Variants in DIPK1A observed in about 807,000 individuals in gnomAD.
DIPK1A encodes the protein divergent protein kinase domain 1A, also known as family with sequence similarity 69 member A.
A neutral mutation model predicts 40.8 loss-of-function variants in DIPK1A; 27 were observed. The ratio of observed to expected loss-of-function variants is 0.66; its 90% CI spans 0.49 to 0.91. The LOEUF is 0.91. DIPK1A is among the 40% of genes least tolerant of loss of function. DIPK1A has a pLI of 0.00. For missense variants in DIPK1A, 412 were observed against 505.7 expected (o/e 0.81, Z 1.78); for synonymous variants, 166 against 171.3 (o/e 0.97, Z 0.24).
chr1:92,846,871 A>ACACG (rs1391671477), intron 4 of DIPK1A, among the ~76,000 whole-genome samples: 1 of 16,738 alleles, frequency 6.0e-5, no homozygotes, highest in African/African-American at 3.5e-4. Flanking sequence ...GTGTATATAT[A>ACACG]TATATATATA....
chr1:92,835,660 CAAAA>C (rs11417383), intron 4 of DIPK1A, among the ~76,000 whole-genome samples: 1 of 123,394 alleles, frequency 8.1e-6, no homozygotes, highest in Non-Finnish European at 1.6e-5. Context: ...AACTGTGTCT[CAAAA>C]AAAAAAAAAA....
At chr1:92,841,508 G>A (rs1381470578), downstream of DIPK1A, among the ~76,000 whole-genome samples, 1 of 152,140 alleles carries the variant, frequency 6.6e-6, no homozygotes, top group Non-Finnish European at 1.5e-5. Context: ...CAAATACCTA[G>A]AAGTGGTATT....
chr1:92,886,451 GC>G (rs1648603360), intron 1 of DIPK1A, among the ~76,000 whole-genome samples: 1 of 152,020 alleles, frequency 6.6e-6, no homozygotes, highest in Non-Finnish European at 1.5e-5. Context: ...CTCCCAAAGT[GC>G]CAGGATTATA....
chr1:92,842,661 G>A lies in DIPK1A; in HGVS notation c.*722C>T. Reference sequence around the variant, plus strand: ...AAATCAGGATATGTGGATCTTGATTGGGCCTTAAGATGTCAGTTTTGAAGG... The same window carrying A: ...AAATCAGGATATGTGGATCTTGATTAGGCCTTAAGATGTCAGTTTTGAAGG... On this transcript the variant is annotated 3_prime_UTR_variant, in exon 5 of 5. Coordinates refer to ENST00000370310, the MANE Select transcript of DIPK1A (RefSeq NM_001006605.5). 1 of 985,280 alleles carries A rather than the reference G, an allele frequency of 1.0e-6. No individual in the cohort carries two copies. Among genetic ancestry groups the A allele is most frequent in the Non-Finnish European group, 1.2e-6 (1 of 829,860 alleles). 61.0% of individuals were successfully genotyped at this position (985,280 alleles called of 1,614,324 possible). A position where few individuals can be genotyped will look rare whatever the true frequency, so the allele number is the denominator to read the frequency against.
chr1:92,948,774 T>C (rs1229361393), intron 1 of DIPK1A, among the ~76,000 whole-genome samples: 1 of 144,408 alleles, frequency 6.9e-6, no homozygotes, highest in Non-Finnish European at 1.5e-5. Flanking sequence ...TATGTGTGTG[T>C]GTGTATATAT....
intron 1 of DIPK1A, among the ~76,000 whole-genome samples, chr1:92,886,575 C>T (rs1001002448): frequency 1.3e-5 from 2 of 151,916 alleles, no homozygotes; most frequent in Non-Finnish European, 2.9e-5. Flanking sequence ...TGTGCCATAA[C>T]TTATCTAACC....
chr1:92,938,900 T>A (rs1189409020), intron 1 of DIPK1A, among the ~76,000 whole-genome samples: 1 of 152,210 alleles, frequency 6.6e-6, no homozygotes, highest in East Asian at 1.9e-4. Context: ...GAATTCTTTC[T>A]ACTTTTATCA....
At chr1:92,878,741 AC>A (rs1313196981) in intron 1 of DIPK1A, among the ~76,000 whole-genome samples, 3 of 151,730 alleles carry the variant, frequency 2.0e-5, no homozygotes, top group Non-Finnish European at 4.4e-5. Context: ...AATAGCGTGA[AC>A]CCCGGGGGGC....
chr1:92,866,103 T>C (rs1478379632), intron 2 of DIPK1A, among the ~76,000 whole-genome samples: 2 of 152,072 alleles, frequency 1.3e-5, no homozygotes, highest in African/African-American at 4.8e-5. Flanking sequence ...TGGGGTTTTC[T>C]TGTTTGTTTG....
At chr1:92,838,321 A>G (rs894055440), downstream of DIPK1A, among the ~76,000 whole-genome samples, 2 of 152,202 alleles carry the variant, frequency 1.3e-5, no homozygotes, top group Non-Finnish European at 2.9e-5. Context: ...ATGTAGGTGC[A>G]TGTTAATTTT....
intron 1 of DIPK1A, among the ~76,000 whole-genome samples, chr1:92,894,201 T>C (rs949670734): frequency 6.6e-6 from 1 of 152,152 alleles, no homozygotes; most frequent in Non-Finnish European, 1.5e-5. Flanking sequence ...AGAATATACA[T>C]TCTTTTCAGC....
At chr1:92,837,427 A>G (rs369811492), downstream of DIPK1A, 60 of 1,587,280 alleles carry the variant, frequency 3.8e-5, 2 homozygotes, top group South Asian at 3.3e-4. Context: ...AAGTGAGTCT[A>G]TACTAAAATA....
intron 1 of DIPK1A, among the ~76,000 whole-genome samples, chr1:92,893,403 A>C (rs1373670121): frequency 4.0e-5 from 6 of 151,758 alleles, no homozygotes; most frequent in East Asian, 1.9e-4. Context: ...AGCCAAACTA[A>C]GCTTCATAAG....
At chr1:92,912,501 A>G (rs1649870846) in intron 1 of DIPK1A, among the ~76,000 whole-genome samples, 1 of 152,172 alleles carries the variant, frequency 6.6e-6, no homozygotes, top group Non-Finnish European at 1.5e-5. Flanking sequence ...AAATGCAGAG[A>G]ACTAAAGTGT....
intron 4 of DIPK1A, among the ~76,000 whole-genome samples, chr1:92,846,793 A>AT (rs1491478787): frequency 0.13 from 92 of 722 alleles, 3 homozygotes; most frequent in Non-Finnish European, 0.14. Flanking sequence ...CACTCCTGGC[A>AT]TATATATATA....
chr1:92,844,147 A>C lies in DIPK1A; in HGVS notation c.523T>G (p.Leu175Val). Reference sequence around the variant, plus strand: ...TCTTTGTCTCCATCAGCCACCGTCAAGATGAGATTAACCAGTTCAGAGAGG... The same window carrying C: ...TCTTTGTCTCCATCAGCCACCGTCACGATGAGATTAACCAGTTCAGAGAGG... ...GNLSELVNLI[L>V]TVADGDKDGQ... is the part of the protein sequence containing the mutation. Residue 175 changes from leucine to valine, a missense_variant, in exon 5 of 5, where the codon TTG (leucine) becomes GTG (valine). By Grantham distance (32) the Leu-to-Val change is conservative. Transcript: ENST00000370310. 6.4e-7 allele frequency: 1 copy of C among 1,551,762 alleles called. No homozygotes were observed. Among genetic ancestry groups the C allele is most frequent in the South Asian group, 1.2e-5 (1 of 84,060 alleles).
At chr1:92,833,979 G>A (rs1196471808) in intron 4 of DIPK1A, 4 of 351,274 alleles carry the variant, frequency 1.1e-5, no homozygotes, top group East Asian at 7.2e-5. Flanking sequence ...ATGGCGGGGC[G>A]CACCTGTAGT....
At chr1:92,889,024 A>C (rs190479487) in intron 1 of DIPK1A, among the ~76,000 whole-genome samples, 1 of 152,126 alleles carries the variant, frequency 6.6e-6, no homozygotes, top group Non-Finnish European at 1.5e-5. Context: ...TGTTTGATAT[A>C]ATCCCATTTG....
At chr1:92,958,840 A>G (rs983987429) in intron 1 of DIPK1A, among the ~76,000 whole-genome samples, 3 of 152,212 alleles carry the variant, frequency 2.0e-5, no homozygotes, top group African/African-American at 4.8e-5. Context: ...AGGTTGATGC[A>G]TATCTAGAAA....
Sources: allele counts gnomAD v4.1 joint callset (sites outside exome capture counted in the v4.1 genomes callset), GRCh38; gene constraint gnomAD v4.1.1; transcripts MANE v1.5; gene names NCBI Gene and HGNC (gene_info 2026-07-23, HGNC 2026-07-21).